TCF4: variants seen among roughly 807,000 people sequenced by gnomAD.
TCF4 encodes SL3-3 enhancer factor 2.
A neutral mutation model predicts 82.1 loss-of-function variants in TCF4; 3 were observed. The observed-to-expected ratio is 0.04, with a 90% CI of 0.02 to 0.09. TCF4 has a LOEUF of 0.09. Among genes scored for constraint, TCF4 ranks in the 10% least tolerant of loss-of-function variants. The pLI is 1.00. For missense variants in TCF4, 518 were observed against 852.7 expected (o/e 0.61, Z 4.89); for synonymous variants, 276 against 309.6 (o/e 0.89, Z 1.14).
chr18:55,441,956 T>C (rs547150739), intron 5 of TCF4, among the ~76,000 whole-genome samples: 1 of 152,330 alleles, frequency 6.6e-6, no homozygotes, highest in Admixed American at 6.5e-5. Flanking sequence ...GAAATCGCGG[T>C]GATCCAGTCC....
intron 8 of TCF4, among the ~76,000 whole-genome samples, chr18:55,311,662 T>C (rs1354702944): frequency 1.3e-5 from 2 of 152,236 alleles, no homozygotes; most frequent in East Asian, 3.8e-4. Flanking sequence ...TTTGTGATCT[T>C]ATGGCCCTCC....
At position 55,228,013 on chromosome 18, in the gene TCF4, C is replaced by T. The variant is rs182372608; in HGVS notation, c.*22G>A. The T allele has an allele frequency of 9.4e-4, 538 of 570,170 alleles. No homozygotes were observed. Among genetic ancestry groups the T allele is most frequent in the Admixed American group, 6.0e-3 (194 of 32,514 alleles). 35.3% of individuals were successfully genotyped at this position (570,170 alleles called of 1,614,324 possible). ...GAAGTGGTCTCTTGTTTTAATGAAG[C>T]AATGTGGCAACTTGGACCTGAGAAA... is the stretch of plus-strand genomic sequence containing the variant. On this transcript the variant is annotated 3_prime_UTR_variant, in exon 20 of 20. Transcript: ENST00000354452.
chr18:55,446,316 C>T (rs940687755), intron 5 of TCF4, among the ~76,000 whole-genome samples: 4 of 152,188 alleles, frequency 2.6e-5, no homozygotes, highest in African/African-American at 9.6e-5. Context: ...CTCCAGACAC[C>T]TCCTAAAATG....
chr18:55,384,000 C>T (rs754150264), intron 6 of TCF4: 1 of 152,260 alleles, frequency 6.6e-6, no homozygotes, highest in Non-Finnish European at 1.5e-5. Flanking sequence ...ACTGGCCTGA[C>T]TCTTCTGACA....
At chr18:55,402,321 A>G in intron 6 of TCF4, 1 of 740,108 alleles carries the variant, frequency 1.4e-6, no homozygotes, top group South Asian at 6.1e-5. Context: ...TGGTACGTAA[A>G]GGAAACTTTC....
At chr18:55,246,711 CTTTT>C (rs3838899) in intron 15 of TCF4, among the ~76,000 whole-genome samples, 1 of 147,124 alleles carries the variant, frequency 6.8e-6, no homozygotes, top group African/African-American at 2.5e-5. Context: ...CCTTTCTGTC[CTTTT>C]TTTTTTCAGT....
chr18:55,547,867 T>G (rs1173216300), intron 3 of TCF4, among the ~76,000 whole-genome samples: 2 of 151,972 alleles, frequency 1.3e-5, no homozygotes, highest in Non-Finnish European at 2.9e-5. Context: ...GGCCATAAAA[T>G]AACAACTCTA....
At position 55,401,605 on chromosome 18, in the gene TCF4, T is replaced by C. The variant is rs1341258606; in HGVS notation, c.369+1849A>G. 5.1e-6 allele frequency: 5 copies of C among 986,538 alleles called. No homozygotes were observed. In the African/African-American group the frequency reaches 8.8e-5, roughly 17 times the overall value. The allele number at this position is 986,538 out of a possible 1,614,324, so 61.1% of individuals were successfully genotyped here. ...CTTGTGTTTGGAAAAAAAAAAAAAT[T>C]AACTTCAGTTTCACCCGAGGGAAGT... is the stretch of plus-strand genomic sequence containing the variant. On this transcript the variant is annotated intron_variant, in intron 6 of 19. Transcript: ENST00000354452.
At chr18:55,634,765 A>G (rs972903236) in intron 1 of TCF4, among the ~76,000 whole-genome samples, 4 of 152,220 alleles carry the variant, frequency 2.6e-5, no homozygotes, top group African/African-American at 7.2e-5. Context: ...TCAATAATCT[A>G]GACAGGAAAT....
rs753891064 is a variant in TCF4, at chr18:55,275,677, T to C, written c.731A>G (p.Asn244Ser). 3.1e-6 allele frequency: 5 copies of C among 1,613,670 alleles called. No individual in the cohort carries two copies. The highest frequency in any genetic ancestry group is 1.3e-5 in the African/African-American group (1 of 74,874). Residue 244 changes from asparagine to serine, a missense_variant, in exon 10 of 20, where the codon AAC becomes AGC. By Grantham distance (46) the Asn-to-Ser change is conservative. Around this residue, in one of 7 missense-constraint regions of TCF4, gnomAD observed 211 missense variants for 327.4 expected, o/e 0.64. Transcript: ENST00000354452. Reference protein sequence around the residue: ...NQPGYAGMLGNSSHIPQSSSY... With the variant: ...NQPGYAGMLGSSSHIPQSSSY... ...GCTGGACTGTGGAATATGAGAAGAGTTGCCCAACATTCCTGCATAGCCAGG... is the reference window on the plus strand; with the variant it reads ...GCTGGACTGTGGAATATGAGAAGAGCTGCCCAACATTCCTGCATAGCCAGG...
At chr18:55,297,619 G>C (rs2066923439) in intron 8 of TCF4, among the ~76,000 whole-genome samples, 3 of 152,126 alleles carry the variant, frequency 2.0e-5, no homozygotes, top group South Asian at 4.1e-4. Flanking sequence ...ATTAGGCATT[G>C]TGCTGGCATC....
intron 3 of TCF4, among the ~76,000 whole-genome samples, chr18:55,475,387 C>CG (rs1328122713): frequency 6.6e-6 from 1 of 152,114 alleles, no homozygotes; most frequent in Non-Finnish European, 1.5e-5. Context: ...ACATCACTTC[C>CG]AGAGCCCCTT....
chr18:55,529,684 A>G (rs747745954), intron 3 of TCF4, among the ~76,000 whole-genome samples: 4 of 152,188 alleles, frequency 2.6e-5, no homozygotes, highest in Non-Finnish European at 4.4e-5. Flanking sequence ...TATCACTGAC[A>G]TTAGGAAGGA....
chr18:55,325,356 A>C (rs2076376892), intron 8 of TCF4, among the ~76,000 whole-genome samples: 1 of 152,252 alleles, frequency 6.6e-6, no homozygotes, highest in Non-Finnish European at 1.5e-5. Flanking sequence ...TACATTAAAC[A>C]ATTAGATAAC....
chr18:55,547,498 T>C (rs752557794), intron 3 of TCF4, among the ~76,000 whole-genome samples: 52 of 152,226 alleles, frequency 3.4e-4, no homozygotes, highest in Admixed American at 2.0e-3. Context: ...GCTCACCACC[T>C]ACAACTATGA....
intron 13 of TCF4, among the ~76,000 whole-genome samples, chr18:55,258,829 G>A (rs540068149): frequency 1.3e-5 from 2 of 152,248 alleles, no homozygotes; most frequent in Admixed American, 1.3e-4. Context: ...AGAACCCGAG[G>A]AGTACAACAA....
intron 10 of TCF4, among the ~76,000 whole-genome samples, chr18:55,273,969 A>G (rs1235939510): frequency 3.9e-5 from 6 of 152,160 alleles, no homozygotes; most frequent in African/African-American, 1.2e-4. Context: ...TGATAGGAGA[A>G]GAAAGAAAGA....
chr18:55,294,042 T>C (rs577430974), intron 8 of TCF4, among the ~76,000 whole-genome samples: 1 of 140,410 alleles, frequency 7.1e-6, no homozygotes, highest in Non-Finnish European at 1.5e-5. Flanking sequence ...GGCGGATCAC[T>C]TGAGGTCAGG....
intron 3 of TCF4, among the ~76,000 whole-genome samples, chr18:55,466,884 T>C (rs1452021133): frequency 1.3e-5 from 2 of 152,232 alleles, no homozygotes; most frequent in African/African-American, 4.8e-5. Flanking sequence ...GGTTAAATAC[T>C]GGCTGGGTTC....
Sources: allele counts gnomAD v4.1 joint callset (sites outside exome capture counted in the v4.1 genomes callset), GRCh38; gene constraint gnomAD v4.1.1; regional missense constraint gnomAD v4.1.1; transcripts MANE v1.5; gene names NCBI Gene and HGNC (gene_info 2026-07-23, HGNC 2026-07-21).